The following KIF16B variants were observed in gnomAD, a reference collection of about 807,000 sequenced individuals.
The protein encoded by KIF16B is kinesin family member 16B.
KIF16B carries 98 observed loss-of-function variants against 156.3 expected under a neutral mutation model. That is an observed-to-expected ratio of 0.63 (90% CI 0.53 to 0.74). The LOEUF (loss-of-function observed/expected upper bound fraction) is 0.74, where lower values mean the gene tolerates loss of function less well. Ranked by LOEUF, KIF16B falls within the 30% of genes least tolerant of loss-of-function variation. The pLI, the probability that KIF16B is intolerant of heterozygous loss-of-function variation, is 0.00. For synonymous variants in KIF16B, 564 were observed against 583.7 expected, an observed-to-expected ratio of 0.97 and a Z score of 0.49; for missense variants, 1,421 against 1,606.5, an observed-to-expected ratio of 0.88 and a Z score of 1.97.
chr20:16,426,023 C>A (rs1208250908), intron 15 of KIF16B, among the ~76,000 whole-genome samples: 1 of 152,060 alleles, frequency 6.6e-6, no homozygotes, highest in Non-Finnish European at 1.5e-5. Flanking sequence ...AAATCATCAG[C>A]TCTCACAAGA....
At chr20:16,295,215 C>T (rs546910090) in intron 25 of KIF16B, among the ~76,000 whole-genome samples, 1 of 152,254 alleles carries the variant, frequency 6.6e-6, no homozygotes, top group East Asian at 1.9e-4. Flanking sequence ...TGCATATCCC[C>T]CGGGCCAGAC....
intron 15 of KIF16B, among the ~76,000 whole-genome samples, chr20:16,406,671 C>T (rs909647521): frequency 2.0e-5 from 3 of 152,052 alleles, no homozygotes; most frequent in African/African-American, 7.2e-5. Context: ...ACATTATATC[C>T]TCATATCCAT....
intron 25 of KIF16B, among the ~76,000 whole-genome samples, chr20:16,295,831 C>T (rs80220336): frequency 0.024 from 3,654 of 152,202 alleles, 163 homozygotes; most frequent in African/African-American, 0.083. Context: ...AATACACCAT[C>T]GGTGAAAAGT....
intron 1 of KIF16B, among the ~76,000 whole-genome samples, chr20:16,543,219 T>C (rs377260151): frequency 6.6e-5 from 10 of 152,294 alleles, no homozygotes; most frequent in Non-Finnish European, 7.4e-5. Flanking sequence ...AGTTTTCACA[T>C]TGTGAGATGC....
intron 25 of KIF16B, among the ~76,000 whole-genome samples, chr20:16,289,255 C>T (rs2063277306): frequency 6.6e-6 from 1 of 152,108 alleles, no homozygotes; most frequent in South Asian, 2.1e-4. Context: ...ATCGCTTTTA[C>T]ACCATCGTAA....
In KIF16B at chr20:16,484,010, T is replaced by C. The variant is rs57514381; in HGVS notation, c.1302+10281A>G. On this transcript the variant is annotated intron_variant, in intron 12 of 25. Transcript: ENST00000354981. ...CAAGTGTACATAAAGCACACTTCCA[T>C]ATGACCAATCTTTTCCTCTCTGACC... Among the ~76,000 whole-genome samples, 1,067 of 137,808 alleles carry C rather than the reference T, an allele frequency of 7.7e-3. 10 individuals are homozygous for C. Among genetic ancestry groups the C allele is most frequent in the African/African-American group, 0.033 (944 of 28,576 alleles). The allele number at this position is 137,808 out of a possible 152,430, so 90.4% of individuals were successfully genotyped here. A position where few individuals can be genotyped will look rare whatever the true frequency, so the allele number is the denominator to read the frequency against.
chr20:16,368,473 G>C, intron 22 of KIF16B: 1 of 986,302 alleles, frequency 1.0e-6, no homozygotes, highest in African/African-American at 1.7e-5. Context: ...TGTTACCTGG[G>C]AGGGGAGCCC....
intron 12 of KIF16B, among the ~76,000 whole-genome samples, chr20:16,448,876 C>CAGAGAGAGAGAGAG (rs138248990): frequency 0.01 from 1,524 of 145,366 alleles, 25 homozygotes; most frequent in African/African-American, 0.036. Context: ...AGAAATATGA[C>CAGAGAGAGAGAGAG]AGAGAGAGAG....
chr20:16,344,408 T>C (rs1273144636), intron 23 of KIF16B, among the ~76,000 whole-genome samples: 2 of 152,214 alleles, frequency 1.3e-5, no homozygotes, highest in African/African-American at 4.8e-5. Flanking sequence ...CTGATTTCTG[T>C]GGGCATGCAC....
chr20:16,488,896 T>G (rs2068202557), intron 12 of KIF16B, among the ~76,000 whole-genome samples: 1 of 152,182 alleles, frequency 6.6e-6, no homozygotes, highest in South Asian at 2.1e-4. Context: ...GATTCTGAAG[T>G]GCTGGCAGTG....
At chr20:16,554,652 C>T (rs375925530) in intron 1 of KIF16B, among the ~76,000 whole-genome samples, 24 of 152,358 alleles carry the variant, frequency 1.6e-4, no homozygotes, top group East Asian at 1.2e-3. Flanking sequence ...TTGCTCACCA[C>T]GTTGCAGGCA....
At chr20:16,523,919 T>TG (rs1308848113) in intron 3 of KIF16B, among the ~76,000 whole-genome samples, 9 of 152,102 alleles carry the variant, frequency 5.9e-5, no homozygotes, top group Admixed American at 1.3e-4. Flanking sequence ...AAACAAGCAA[T>TG]GGGGAAAGGA....
chr20:16,438,061 C>T (rs375340299), intron 12 of KIF16B, among the ~76,000 whole-genome samples: 2 of 151,682 alleles, frequency 1.3e-5, no homozygotes, highest in Non-Finnish European at 1.5e-5. Context: ...GCAGGAGAAT[C>T]GCTTGAACCT....
chr20:16,518,597 C>T (rs964483480), intron 3 of KIF16B, among the ~76,000 whole-genome samples: 1 of 152,136 alleles, frequency 6.6e-6, no homozygotes, highest in African/African-American at 2.4e-5. Flanking sequence ...GAGATCAAAG[C>T]CTCCCTTTGG....
chr20:16,452,038 G>C (rs1015736944), intron 12 of KIF16B, among the ~76,000 whole-genome samples: 15 of 152,086 alleles, frequency 9.9e-5, no homozygotes, highest in Non-Finnish European at 2.1e-4. Flanking sequence ...TGGCATGGGA[G>C]GGGGGCACCA....
intron 12 of KIF16B, among the ~76,000 whole-genome samples, chr20:16,447,830 G>C (rs754922848): frequency 5.3e-5 from 8 of 152,094 alleles, no homozygotes; most frequent in Non-Finnish European, 1.0e-4. Context: ...GACAAGCCAG[G>C]CATGGTGGTA....
intron 23 of KIF16B, among the ~76,000 whole-genome samples, chr20:16,345,584 G>A (rs2064217929): frequency 6.6e-6 from 1 of 152,222 alleles, no homozygotes; most frequent in Admixed American, 6.5e-5. Flanking sequence ...TCCCTTTAGA[G>A]AGAACATTGA....
At chr20:16,548,546 A>C (rs2070502696) in intron 1 of KIF16B, among the ~76,000 whole-genome samples, 1 of 152,202 alleles carries the variant, frequency 6.6e-6, no homozygotes, top group Non-Finnish European at 1.5e-5. Context: ...AGCAAACCCT[A>C]TCGTAAATGG....
At chr20:16,356,265 A>G in intron 23 of KIF16B, 65 bp downstream of exon 23, 1 of 1,595,090 alleles carries the variant, frequency 6.3e-7, no homozygotes, top group Non-Finnish European at 8.6e-7. Context: ...TGAAAAAATA[A>G]AGACAGATAA....
Sources: allele counts gnomAD v4.1 joint callset (sites outside exome capture counted in the v4.1 genomes callset), GRCh38; gene constraint gnomAD v4.1.1; transcripts MANE v1.5; gene names NCBI Gene and HGNC (gene_info 2026-07-23, HGNC 2026-07-21).